Variants in SEMA5A observed in about 807,000 individuals in gnomAD.
SEMA5A encodes the protein semaphorin-5A.
A neutral mutation model predicts 135.5 loss-of-function variants in SEMA5A; 55 were observed. That is an observed-to-expected ratio of 0.41 (90% confidence interval 0.33 to 0.51). The LOEUF (loss-of-function observed/expected upper bound fraction) is 0.51, where lower values mean the gene tolerates loss of function less well. Ranked by LOEUF, SEMA5A falls within the 20% of genes least tolerant of loss-of-function variation. The probability of loss-of-function intolerance (pLI) is 0.37; values close to 1 mark genes in which losing one functional copy is unlikely to be tolerated. For missense variants in SEMA5A, 1,290 were observed against 1,419.9 expected, an observed-to-expected ratio of 0.91 and a Z score of 1.47; for synonymous variants, 580 against 546.5, an observed-to-expected ratio of 1.06 and a Z score of -0.85.
At chr5:9,530,487 T>A (rs1408260856) in intron 1 of SEMA5A, among the ~76,000 whole-genome samples, 3 of 152,230 alleles carry the variant, frequency 2.0e-5, no homozygotes, top group Non-Finnish European at 4.4e-5. Context: ...TGTTCTTTTT[T>A]TTTATTTTAA....
chr5:9,528,613 G>A (rs557762330), intron 1 of SEMA5A, among the ~76,000 whole-genome samples: 2 of 152,294 alleles, frequency 1.3e-5, no homozygotes, highest in Admixed American at 1.3e-4. Flanking sequence ...CAGTATCGAA[G>A]CCCATGCCTT....
intron 3 of SEMA5A, among the ~76,000 whole-genome samples, chr5:9,356,992 T>C (rs1270673207): frequency 3.9e-5 from 6 of 152,194 alleles, no homozygotes; most frequent in Non-Finnish European, 7.3e-5. Context: ...ATTACCAGCT[T>C]GCAAGACATA....
chr5:9,084,543 G>A (rs1738571704), intron 16 of SEMA5A, among the ~76,000 whole-genome samples: 1 of 152,182 alleles, frequency 6.6e-6, no homozygotes, highest in Admixed American at 6.5e-5. Context: ...AAAAACAGGA[G>A]TTTCCCTGCA....
chr5:9,195,015 T>G (rs574183556), intron 10 of SEMA5A, among the ~76,000 whole-genome samples: 1 of 152,218 alleles, frequency 6.6e-6, no homozygotes, highest in African/African-American at 2.4e-5. Context: ...CATCACTGTA[T>G]GGAAAATACA....
At chr5:9,205,740 A>G (rs1223987885) in intron 8 of SEMA5A, among the ~76,000 whole-genome samples, 1 of 152,242 alleles carries the variant, frequency 6.6e-6, no homozygotes, top group African/African-American at 2.4e-5. Flanking sequence ...TTCACCACAC[A>G]GTGCAGGTCA....
chr5:9,221,457 C>A (rs556898960), intron 8 of SEMA5A, among the ~76,000 whole-genome samples: 1 of 151,698 alleles, frequency 6.6e-6, no homozygotes, highest in South Asian at 2.1e-4. Flanking sequence ...CGCCCACCAC[C>A]ACGCCCGGCT....
intron 3 of SEMA5A, among the ~76,000 whole-genome samples, chr5:9,342,520 T>C (rs1753695829): frequency 6.6e-6 from 1 of 152,152 alleles, no homozygotes; most frequent in South Asian, 2.1e-4. Flanking sequence ...CAAGCCAAAC[T>C]AGGTGGGGCC....
In SEMA5A at chr5:9,421,326, C is replaced by T. The variant is rs542913779; in HGVS notation, c.-78+16430G>A. The stretch of plus-strand genomic sequence containing the variant: ...AATTAATCTTTAATCACATCTGAGA[C>T]ATTCTTACAACATAACTGACATATA... On this transcript the variant is annotated intron_variant, in intron 2 of 22. Transcript: ENST00000382496. Among the ~76,000 whole-genome samples the T allele has an allele frequency of 3.9e-5, 6 of 152,310 alleles. No homozygotes were observed. In the East Asian group the frequency reaches 1.2e-3, roughly 29 times the overall value.
At chr5:9,460,336 A>G (rs947788542) in intron 1 of SEMA5A, among the ~76,000 whole-genome samples, 7 of 152,130 alleles carry the variant, frequency 4.6e-5, no homozygotes, top group African/African-American at 1.7e-4. Flanking sequence ...AGACTTTAAA[A>G]ATACGTAGAA....
At chr5:9,057,856 G>A (rs887875138) in intron 18 of SEMA5A, among the ~76,000 whole-genome samples, 44 of 152,120 alleles carry the variant, frequency 2.9e-4, no homozygotes, top group African/African-American at 9.9e-4. Flanking sequence ...CTGTCTTTAT[G>A]TTACAGGTTT....
intron 1 of SEMA5A, among the ~76,000 whole-genome samples, chr5:9,467,119 CT>C (rs377123678): frequency 3.0e-4 from 45 of 149,896 alleles, no homozygotes; most frequent in Middle Eastern, 3.4e-3. Context: ...ATGAATTGTT[CT>C]TTTTTTTTTT....
chr5:9,039,471 C>T lies in SEMA5A; in HGVS notation c.*3426G>A, dbSNP rs543366613. The T allele has an allele frequency of 6.6e-6, 1 of 152,360 alleles. No homozygotes were observed. Among genetic ancestry groups the T allele is most frequent in the East Asian group, 1.9e-4 (1 of 5,184 alleles). 9.4% of individuals were successfully genotyped at this position (152,360 alleles called of 1,614,324 possible). A position where few individuals can be genotyped will look rare whatever the true frequency, so the allele number is the denominator to read the frequency against. Reference sequence around the variant, plus strand: ...CTCACCCTCATTCAATGTTTATCGTCTCTTTTCAATTCCTTTAGAACCTCA... The same window carrying T: ...CTCACCCTCATTCAATGTTTATCGTTTCTTTTCAATTCCTTTAGAACCTCA... On this transcript the variant is annotated 3_prime_UTR_variant, in exon 23 of 23. Coordinates refer to ENST00000382496, the MANE Select transcript of SEMA5A (RefSeq NM_003966.3).
chr5:9,456,836 T>G (rs1003815977), intron 1 of SEMA5A, among the ~76,000 whole-genome samples: 2 of 152,192 alleles, frequency 1.3e-5, no homozygotes, highest in African/African-American at 2.4e-5. Flanking sequence ...ATGAGGTGTT[T>G]AAATGACAAC....
At chr5:9,481,520 C>T (rs1759875781) in intron 1 of SEMA5A, among the ~76,000 whole-genome samples, 1 of 152,142 alleles carries the variant, frequency 6.6e-6, no homozygotes, top group Non-Finnish European at 1.5e-5. Context: ...CAACATAGTC[C>T]TGTTCACTGG....
rs1034680708 is a variant in SEMA5A, at chr5:9,477,732, T to C, written c.-174-39880A>G. 2.6e-5 allele frequency among the ~76,000 whole-genome samples: 4 copies of C among 152,222 alleles called. No individual in the cohort carries two copies. In the East Asian group the frequency reaches 7.7e-4, roughly 29 times the overall value. ...GTGCTCCTAACAGCATATAGTCATA[T>C]GTGTTCACAAAGAGATGATCTAAAA... On this transcript the variant is annotated intron_variant, in intron 1 of 22. Coordinates refer to ENST00000382496, the MANE Select transcript of SEMA5A (RefSeq NM_003966.3).
intron 5 of SEMA5A, chr5:9,265,406 C>T (rs779770372): frequency 1.8e-5 from 8 of 456,142 alleles, no homozygotes; most frequent in South Asian, 1.2e-4. Context: ...TCAATCCCAT[C>T]CTTCTATGGA....
chr5:9,448,289 A>C (rs1476171703), intron 1 of SEMA5A, among the ~76,000 whole-genome samples: 1 of 152,252 alleles, frequency 6.6e-6, no homozygotes, highest in Non-Finnish European at 1.5e-5. Context: ...CCCAACTGCC[A>C]ACATTCAATG....
At position 9,305,629 on chromosome 5, in the gene SEMA5A, A is replaced by T. The variant is rs542276192; in HGVS notation, c.270+12743T>A. On this transcript the variant is annotated intron_variant, in intron 5 of 22. Coordinates refer to ENST00000382496, the MANE Select transcript of SEMA5A (RefSeq NM_003966.3). ...AAGTGTACGCCAAAACCCATATAAA[A>T]TATATGCAAAGAGAAACACCAACAC... Among the ~76,000 whole-genome samples, 5 of 151,914 alleles carry T rather than the reference A, an allele frequency of 3.3e-5. No homozygotes were observed. In the South Asian group the frequency reaches 1.0e-3, roughly 32 times the overall value.
chr5:9,524,923 T>C (rs1016187358), intron 1 of SEMA5A, among the ~76,000 whole-genome samples: 1 of 152,154 alleles, frequency 6.6e-6, no homozygotes, highest in Admixed American at 6.5e-5. Flanking sequence ...TTGGCTTAGA[T>C]ACCATGGCAG....
Sources: gnomAD v4.1 joint callset for allele counts (sites outside exome capture counted in the v4.1 genomes callset) on GRCh38, gnomAD v4.1.1 for gene constraint, MANE v1.5 for transcripts, NCBI Gene and HGNC (gene_info 2026-07-23, HGNC 2026-07-21) for gene names.